Variants in MAML3 observed in about 807,000 individuals in gnomAD.
MAML3 encodes mastermind like transcriptional coactivator 3, also known as mastermind-like protein 3.
MAML3 carries 27 observed loss-of-function variants against 101.9 expected under a neutral mutation model. That is an observed-to-expected ratio of 0.27 (90% confidence interval 0.20 to 0.37). MAML3 has a LOEUF of 0.37. MAML3 is among the 10% of genes least tolerant of loss of function. The pLI is 1.00. For synonymous variants in MAML3, 501 were observed against 555.9 expected (o/e 0.90, Z 1.39); for missense variants, 1,316 against 1,444.9 (o/e 0.91, Z 1.45).
intron 2 of MAML3, among the ~76,000 whole-genome samples, chr4:139,790,678 A>C (rs1209767623): frequency 6.6e-6 from 1 of 152,170 alleles, no homozygotes; most frequent in African/African-American, 2.4e-5. Flanking sequence ...ATTTCACTTA[A>C]CATAATGTCT....
intron 1 of MAML3, among the ~76,000 whole-genome samples, chr4:139,999,819 A>T (rs1308478501): frequency 1.3e-5 from 2 of 152,240 alleles, no homozygotes; most frequent in African/African-American, 4.8e-5. Flanking sequence ...TGATAAATTA[A>T]AGATTTAGGT....
intron 1 of MAML3, among the ~76,000 whole-genome samples, chr4:140,141,479 C>G (rs958097308): frequency 3.9e-5 from 6 of 152,158 alleles, no homozygotes; most frequent in Non-Finnish European, 8.8e-5. Flanking sequence ...CACGAACACC[C>G]TAGGTTCTGT....
chr4:139,904,804 T>C (rs1732789597), intron 1 of MAML3, among the ~76,000 whole-genome samples: 1 of 152,248 alleles, frequency 6.6e-6, no homozygotes, highest in Non-Finnish European at 1.5e-5. Flanking sequence ...CTGGGGTCTA[T>C]TGCTGCTAGG....
At chr4:139,920,071 A>C (rs1415002448) in intron 1 of MAML3, among the ~76,000 whole-genome samples, 1 of 152,234 alleles carries the variant, frequency 6.6e-6, no homozygotes, top group Non-Finnish European at 1.5e-5. Flanking sequence ...TGCGATTATC[A>C]AATACATTTT....
At chr4:139,748,056 A>C (rs1038714697) in intron 2 of MAML3, among the ~76,000 whole-genome samples, 1 of 127,604 alleles carries the variant, frequency 7.8e-6, no homozygotes, top group Non-Finnish European at 1.8e-5. Context: ...CTTCGTCTAA[A>C]AAAAAAAAAA....
In MAML3 at chr4:139,817,925, G is replaced by C. The variant is rs149444811; in HGVS notation, c.2079+71432C>G. Among the ~76,000 whole-genome samples the C allele has an allele frequency of 2.8e-3, 433 of 152,312 alleles. 1 individual carries two copies. Among genetic ancestry groups the C allele is most frequent in the African/African-American group, 0.01 (419 of 41,560 alleles). On this transcript the variant is annotated intron_variant, in intron 2 of 4. Transcript: ENST00000509479. ...CTTCTTGTAGTTATGACTTCTTGTA[G>C]CTGGAATGCTCTGCCTCAGCACCAT... is the stretch of plus-strand genomic sequence containing the variant.
intron 1 of MAML3, among the ~76,000 whole-genome samples, chr4:139,908,736 G>T (rs1205644837): frequency 1.3e-5 from 2 of 152,146 alleles, no homozygotes; most frequent in African/African-American, 2.4e-5. Context: ...TTAAATTAGG[G>T]AAAGTCTATT....
At chr4:140,045,271 T>C (rs1727162837) in intron 1 of MAML3, among the ~76,000 whole-genome samples, 1 of 151,926 alleles carries the variant, frequency 6.6e-6, no homozygotes, top group Admixed American at 6.6e-5. Flanking sequence ...GGCAGGTGCC[T>C]GTAATCCCAG....
At chr4:140,022,299 C>A (rs548527083) in intron 1 of MAML3, among the ~76,000 whole-genome samples, 236 of 152,108 alleles carry the variant, frequency 1.6e-3, no homozygotes, top group African/African-American at 5.3e-3. Flanking sequence ...TTTATGGGAA[C>A]ATAAATTCTG....
chr4:139,834,765 A>G (rs549761531), intron 2 of MAML3, among the ~76,000 whole-genome samples: 7 of 152,202 alleles, frequency 4.6e-5, no homozygotes, highest in Non-Finnish European at 8.8e-5. Flanking sequence ...TTTGAGTCAA[A>G]ATAATTTTAA....
At chr4:140,006,963 A>G (rs962016964) in intron 1 of MAML3, among the ~76,000 whole-genome samples, 2 of 152,218 alleles carry the variant, frequency 1.3e-5, no homozygotes, top group South Asian at 2.1e-4. Flanking sequence ...ATGTTTAAAG[A>G]ACAAAAAGCT....
intron 2 of MAML3, among the ~76,000 whole-genome samples, chr4:139,755,481 G>A (rs184003830): frequency 1.2e-4 from 19 of 152,228 alleles, no homozygotes; most frequent in South Asian, 1.0e-3. Context: ...GGTGGTGGGC[G>A]CCTGTAGTCC....
chr4:140,079,699 G>T (rs180762555), intron 1 of MAML3, among the ~76,000 whole-genome samples: 2 of 152,246 alleles, frequency 1.3e-5, no homozygotes, highest in Non-Finnish European at 2.9e-5. Context: ...ATTTAGTCAA[G>T]GTCTAACCAT....
intron 1 of MAML3, among the ~76,000 whole-genome samples, chr4:140,120,669 G>A (rs961839362): frequency 6.6e-6 from 1 of 152,090 alleles, no homozygotes; most frequent in African/African-American, 2.4e-5. Flanking sequence ...AGCTAAGATC[G>A]AATAGTTTCT....
At chr4:139,840,349 T>C (rs1385971978) in intron 2 of MAML3, among the ~76,000 whole-genome samples, 4 of 152,246 alleles carry the variant, frequency 2.6e-5, no homozygotes, top group African/African-American at 9.6e-5. Flanking sequence ...GGTATCCTAA[T>C]GCTTGGACTG....
chr4:139,898,321 GGAC>G, intron 1 of MAML3, among the ~76,000 whole-genome samples: 1 of 152,144 alleles, frequency 6.6e-6, no homozygotes, highest in East Asian at 1.9e-4. Context: ...ATATTTTTGA[GGAC>G]TCTAAGGGTC....
In MAML3 at chr4:139,785,828, G is replaced by A. The variant is rs1730296291; in HGVS notation, c.2080-55161C>T. On this transcript the variant is annotated intron_variant, in intron 2 of 4. Transcript: ENST00000509479. The surrounding 1 kb of genome is among the most constrained non-coding windows in gnomAD (Gnocchi z 4.3). ...GGAAGCTTCTCATACACAGAGAAGG[G>A]GGCCTGGGAATTCTAATGACAATTT... Among the ~76,000 whole-genome samples, 1 of 152,124 alleles carries A rather than the reference G, an allele frequency of 6.6e-6. No individual in the cohort carries two copies. Among genetic ancestry groups the A allele is most frequent in the Admixed American group, 6.6e-5 (1 of 15,264 alleles).
chr4:140,060,184 G>A (rs1386098532), intron 1 of MAML3, among the ~76,000 whole-genome samples: 3 of 151,610 alleles, frequency 2.0e-5, no homozygotes, highest in Admixed American at 6.6e-5. Flanking sequence ...TGGTCAACAC[G>A]GTGAAACCCA....
rs558493493 is a variant in MAML3 at position 139,856,733 on chromosome 4, G to A, written c.2079+32624C>T. ...CTTTGTGATTCTGTGAAGAGTACAGGAGAATTATGGTGTCCCATTCTATGC... is the reference window on the plus strand; with the variant it reads ...CTTTGTGATTCTGTGAAGAGTACAGAAGAATTATGGTGTCCCATTCTATGC... On this transcript the variant is annotated intron_variant, in intron 2 of 4. Transcript: ENST00000509479. 8.5e-5 allele frequency among the ~76,000 whole-genome samples: 13 copies of A among 152,288 alleles called. No homozygotes were observed. The East Asian group carries it at 2.5e-3, about 29-fold the overall frequency.
Sources: gnomAD v4.1 joint callset for allele counts (sites outside exome capture counted in the v4.1 genomes callset) on GRCh38, gnomAD v4.1.1 for gene constraint, Gnocchi (gnomAD v3.1) non-coding constraint, MANE v1.5 for transcripts, NCBI Gene and HGNC (gene_info 2026-07-23, HGNC 2026-07-21) for gene names.